Variants in EEPD1 observed in about 807,000 individuals in gnomAD.
The protein encoded by EEPD1 is endonuclease/exonuclease/phosphatase family domain containing 1.
In EEPD1, 17 loss-of-function variants were observed where a neutral mutation model predicts 46.3. The observed-to-expected ratio is 0.37, with a 90% CI of 0.25 to 0.55. The LOEUF is 0.55. Among genes scored for constraint, EEPD1 ranks in the 20% least tolerant of loss-of-function variants. The pLI, the probability that EEPD1 is intolerant of heterozygous loss-of-function variation, is 0.83. For synonymous variants in EEPD1, 313 were observed against 315.6 expected (o/e 0.99, Z 0.09); for missense variants, 673 against 745.6 (o/e 0.90, Z 1.13).
In EEPD1 at chr7:36,280,536, CT is replaced by C. The variant is rs899291516; in HGVS notation, c.931-576del. Among the ~76,000 whole-genome samples the C allele has an allele frequency of 2.2e-4, 33 of 152,352 alleles. 1 individual carries two copies. The highest frequency in any genetic ancestry group is 7.5e-4 in the African/African-American group (31 of 41,578). ...TTTTATTTTGCCTCAGTGACAGTCA[CT>C]TTACAGCCATATTGGTGCAACATGC... On this transcript the variant is annotated intron_variant, in intron 3 of 7. Coordinates refer to ENST00000242108, the MANE Select transcript of EEPD1 (RefSeq NM_030636.3).
In EEPD1 at chr7:36,165,411, C is replaced by CTTTT. The variant is rs56236165; in HGVS notation, c.878+10234_878+10237dup. Among the ~76,000 whole-genome samples the CTTTT allele has an allele frequency of 5.4e-3, 337 of 62,108 alleles. 57 individuals carry two copies. The highest frequency in any genetic ancestry group is 0.036 in the Middle Eastern group (2 of 56). The allele number at this position is 62,108 out of a possible 152,430, so 40.7% of individuals were successfully genotyped here. On this transcript the variant is annotated intron_variant, in intron 2 of 7. Transcript: ENST00000242108. ...ATGAAATCGCCTAATGATCCATTTC[C>CTTTT]TTTTTTTTTTTTTTTTTTTTTTTTT... is the stretch of plus-strand genomic sequence containing the variant.
chr7:36,175,423 G>A (rs549370216), intron 2 of EEPD1, among the ~76,000 whole-genome samples: 1 of 152,148 alleles, frequency 6.6e-6, no homozygotes, highest in African/African-American at 2.4e-5. Context: ...GTAGAGATGA[G>A]GTCTCACCAT....
At chr7:36,219,806 AGTGTGTGTGTGTGT>A in intron 2 of EEPD1, among the ~76,000 whole-genome samples, 1 of 75,438 alleles carries the variant, frequency 1.3e-5, no homozygotes, top group Middle Eastern at 0.013. Context: ...AGAGAGAGAG[AGTGTGTGTGTGTGT>A]GTGTGTGTGT....
At chr7:36,175,194 T>A (rs1437615946) in intron 2 of EEPD1, among the ~76,000 whole-genome samples, 2 of 152,244 alleles carry the variant, frequency 1.3e-5, no homozygotes, top group Non-Finnish European at 2.9e-5. Flanking sequence ...ACCTTTAGGC[T>A]GAACTTAAAA....
chr7:36,285,884 G>T (rs965115647), intron 5 of EEPD1, among the ~76,000 whole-genome samples: 1 of 152,144 alleles, frequency 6.6e-6, no homozygotes, highest in Non-Finnish European at 1.5e-5. Flanking sequence ...CACCCTGGGG[G>T]TATCTGTCAC....
At chr7:36,271,635 T>C (rs1787103091) in intron 3 of EEPD1, among the ~76,000 whole-genome samples, 1 of 150,276 alleles carries the variant, frequency 6.7e-6, no homozygotes, top group Non-Finnish European at 1.5e-5. Context: ...TTTGTCAATT[T>C]TGGCTTTTGT....
chr7:36,262,733 C>A (rs1786949103), intron 3 of EEPD1, among the ~76,000 whole-genome samples: 1 of 152,114 alleles, frequency 6.6e-6, no homozygotes, highest in Non-Finnish European at 1.5e-5. Flanking sequence ...GGTCATATAC[C>A]AGTTAAACTC....
chr7:36,291,452 A>T (rs1787430122), intron 6 of EEPD1, among the ~76,000 whole-genome samples: 1 of 152,118 alleles, frequency 6.6e-6, no homozygotes, highest in Non-Finnish European at 1.5e-5. Flanking sequence ...CAGAAGGGAG[A>T]TGGTAACAGC....
At chr7:36,236,467 T>C (rs1053141843) in intron 2 of EEPD1, among the ~76,000 whole-genome samples, 6 of 152,230 alleles carry the variant, frequency 3.9e-5, no homozygotes, top group Non-Finnish European at 7.3e-5. Flanking sequence ...ACAGCCGGTC[T>C]CCGTCTCTTT....
chr7:36,182,981 C>T (rs1785301005), intron 2 of EEPD1, among the ~76,000 whole-genome samples: 2 of 152,176 alleles, frequency 1.3e-5, no homozygotes, highest in Non-Finnish European at 2.9e-5. Flanking sequence ...TAGCCATGCA[C>T]ACCCTGTAGC....
intron 3 of EEPD1, among the ~76,000 whole-genome samples, chr7:36,258,454 C>T (rs889664511): frequency 1.3e-4 from 20 of 152,170 alleles, no homozygotes; most frequent in Non-Finnish European, 2.2e-4. Flanking sequence ...GTGCTCTGTC[C>T]CAGGGAGATG....
intron 2 of EEPD1, among the ~76,000 whole-genome samples, chr7:36,182,251 G>A (rs1048656441): frequency 1.3e-5 from 2 of 152,148 alleles, no homozygotes; most frequent in Non-Finnish European, 2.9e-5. Context: ...AAAAAGTAAG[G>A]TACAGAACAA....
At chr7:36,197,140 C>G (rs1218607835) in intron 2 of EEPD1, among the ~76,000 whole-genome samples, 1 of 149,812 alleles carries the variant, frequency 6.7e-6, no homozygotes, top group Non-Finnish European at 1.5e-5. Context: ...GCCTGGCAAC[C>G]GCCCCGTCTG....
chr7:36,299,207 T>A lies in EEPD1; in HGVS notation c.*1T>A. On this transcript the variant is annotated 3_prime_UTR_variant, in exon 8 of 8. Transcript: ENST00000242108. Reference sequence around the variant, plus strand: ...AGCCAACATCAAGCACGAGCGATGATGACACCAAATCCATGTGTCCACCCT... The same window carrying A: ...AGCCAACATCAAGCACGAGCGATGAAGACACCAAATCCATGTGTCCACCCT... 1 of 1,613,408 alleles carries A rather than the reference T, an allele frequency of 6.2e-7. No homozygotes were observed. Among genetic ancestry groups the A allele is most frequent in the Non-Finnish European group, 8.5e-7 (1 of 1,179,606 alleles).
intron 2 of EEPD1, among the ~76,000 whole-genome samples, chr7:36,181,488 C>T (rs1463834261): frequency 6.6e-6 from 1 of 152,198 alleles, no homozygotes; most frequent in African/African-American, 2.4e-5. Context: ...CAGCCTGACA[C>T]CTAGGAGGCA....
In EEPD1 at chr7:36,155,244, C is replaced by G. The variant is rs746792385; in HGVS notation, c.878+42C>G. The G allele has an allele frequency of 8.0e-6, 12 of 1,494,464 alleles. No individual in the cohort carries two copies. In the East Asian group the frequency reaches 2.8e-4, roughly 34 times the overall value. 92.6% of individuals were successfully genotyped at this position (1,494,464 alleles called of 1,614,324 possible). A position where few individuals can be genotyped will look rare whatever the true frequency, so the allele number is the denominator to read the frequency against. ...CCATGGGTGTTGGGTGTGAAGGCAACTTGTGCGTGACCTCATCTATGGATG... is the reference window on the plus strand; with the variant it reads ...CCATGGGTGTTGGGTGTGAAGGCAAGTTGTGCGTGACCTCATCTATGGATG... On this transcript the variant is annotated intron_variant, in intron 2 of 7. Transcript: ENST00000242108.
chr7:36,184,171 G>A (rs1785322313), intron 2 of EEPD1, among the ~76,000 whole-genome samples: 1 of 152,102 alleles, frequency 6.6e-6, no homozygotes, highest in Non-Finnish European at 1.5e-5. Flanking sequence ...GAAGGTGATT[G>A]TGTTCTAACA....
chr7:36,284,725 G>T lies in EEPD1; in HGVS notation c.1081G>T (p.Gly361Cys). The T allele has an allele frequency of 6.2e-7, 1 of 1,611,246 alleles. No individual in the cohort carries two copies. Among genetic ancestry groups the T allele is most frequent in the Non-Finnish European group, 8.5e-7 (1 of 1,178,686 alleles). Residue 361 changes from glycine to cysteine, a missense_variant, in exon 5 of 8, where the codon GGC becomes TGC. By Grantham distance (159) the Gly-to-Cys change is radical. Coordinates refer to ENST00000242108, the MANE Select transcript of EEPD1 (RefSeq NM_030636.3). ...AGGATTCCTATGGGACGCGGCTGCCGGCATGGAGCTGAGAGACGCGGGTTC... is the reference window on the plus strand; with the variant it reads ...AGGATTCCTATGGGACGCGGCTGCCTGCATGGAGCTGAGAGACGCGGGTTC... ...YAGFLWDAAAGMELRDAGSQE... is the reference protein window; with the variant it reads ...YAGFLWDAAACMELRDAGSQE...
intron 2 of EEPD1, among the ~76,000 whole-genome samples, chr7:36,185,121 A>C (rs1785343161): frequency 6.6e-6 from 1 of 152,218 alleles, no homozygotes; most frequent in Non-Finnish European, 1.5e-5. Context: ...CTCTCCCCAC[A>C]CAGGGATAGC....
Sources: gnomAD v4.1 joint callset for allele counts (sites outside exome capture counted in the v4.1 genomes callset) on GRCh38, gnomAD v4.1.1 for gene constraint, MANE v1.5 for transcripts, NCBI Gene and HGNC (gene_info 2026-07-23, HGNC 2026-07-21) for gene names.